Variants in EMG1 observed in about 807,000 individuals in gnomAD.
EMG1 encodes the protein EMG1 N1-specific pseudouridine methyltransferase, also known as ribosomal RNA small subunit methyltransferase NEP1.
EMG1 carries 24 observed loss-of-function variants against 26.9 expected under a neutral mutation model. The observed-to-expected ratio is 0.89, with a 90% CI of 0.65 to 1.26. The LOEUF is 1.26. Among genes scored for constraint, EMG1 ranks in the 50% most tolerant of loss-of-function variants. The pLI, the probability that EMG1 is intolerant of heterozygous loss-of-function variation, is 0.00. For missense variants in EMG1, 299 were observed against 307.6 expected, an observed-to-expected ratio of 0.97 and a Z score of 0.21; for synonymous variants, 140 against 112.6, an observed-to-expected ratio of 1.24 and a Z score of -1.54.
chr12:6,975,424 AG>A, intron 5 of EMG1, 46 bp downstream of exon 5: 1 of 1,536,710 alleles, frequency 6.5e-7, no homozygotes, highest in Non-Finnish European at 8.8e-7. Context: ...AGCTGAACTT[AG>A]TATAGAATTC....
Position 6,979,727 on chromosome 12 carries a change from GT to G in EMG1, c.*3921del. On this transcript the variant is annotated 3_prime_UTR_variant, in exon 6 of 6. Coordinates refer to ENST00000599672, the MANE Select transcript of EMG1 (RefSeq NM_006331.8). Reference sequence around the variant, plus strand: ...AGCTCTGCTGCCCAAAGTGTTTCCTGTTTCAGGGAAAGATTTCTATGGCTGG... The same window carrying G: ...AGCTCTGCTGCCCAAAGTGTTTCCTGTTCAGGGAAAGATTTCTATGGCTGG... The G allele has an allele frequency of 1.6e-6, 1 of 625,224 alleles. No homozygotes were observed. The highest frequency in any genetic ancestry group is 1.9e-5 in the South Asian group (1 of 52,220). The allele number at this position is 625,224 out of a possible 1,614,324, so 38.7% of individuals were successfully genotyped here. A position where few individuals can be genotyped will look rare whatever the true frequency, so the allele number is the denominator to read the frequency against.
chr12:6,977,714 T>C lies in EMG1; in HGVS notation c.*1905T>C. Reference sequence around the variant, plus strand: ...GAGAGACCCTGAGAGAGTTCTTTATTTCCAAGGAACTTGAGTCGTTTGAAG... The same window carrying C: ...GAGAGACCCTGAGAGAGTTCTTTATCTCCAAGGAACTTGAGTCGTTTGAAG... On this transcript the variant is annotated 3_prime_UTR_variant, in exon 6 of 6. Coordinates refer to ENST00000599672, the MANE Select transcript of EMG1 (RefSeq NM_006331.8). This position sits in a 1 kb window ranked among gnomAD's most constrained non-coding sequence, Gnocchi z 4.5. The C allele has an allele frequency of 3.1e-6, 5 of 1,614,174 alleles. No individual in the cohort carries two copies. Among genetic ancestry groups the C allele is most frequent in the Non-Finnish European group, 4.2e-6 (5 of 1,180,014 alleles).
intron 6 of EMG1, among the ~76,000 whole-genome samples, chr12:6,986,477 T>G (rs1397683950): frequency 6.6e-6 from 1 of 152,168 alleles, no homozygotes; most frequent in South Asian, 2.1e-4. Flanking sequence ...AGTAGTTAAG[T>G]TTTTGGAGAG....
At chr12:6,973,531 T>G (rs1946357574) in intron 1 of EMG1, among the ~76,000 whole-genome samples, 1 of 152,090 alleles carries the variant, frequency 6.6e-6, no homozygotes, top group Non-Finnish European at 1.5e-5. Flanking sequence ...TTTCTTTGAT[T>G]AAACTGCCTC....
At position 6,974,625 on chromosome 12, in the gene EMG1, A is replaced by G. The variant is rs1555152813; in HGVS notation, c.344A>G (p.Asn115Ser). ...LLQVYIHTQK[N>S]VLIEVNPQTR... ...CAGGTTTATATCCATACACAGAAGA[A>G]TGTTCTGATTGAAGTGAATCCCCAG... Residue 115 changes from asparagine to serine, a missense_variant, in exon 3 of 6, where the codon AAT (asparagine) becomes AGT (serine). Asn to Ser is a conservative substitution (Grantham distance 46). Coordinates refer to ENST00000599672, the MANE Select transcript of EMG1 (RefSeq NM_006331.8). The G allele has an allele frequency of 1.2e-6, 2 of 1,614,022 alleles. No individual in the cohort carries two copies. Among genetic ancestry groups the G allele is most frequent in the South Asian group, 1.1e-5 (1 of 91,080 alleles).
chr12:6,974,776 A>G, intron 3 of EMG1, 83 bp downstream of exon 3: 1 of 1,437,948 alleles, frequency 7.0e-7, no homozygotes, highest in South Asian at 1.2e-5. Context: ...CTAAATGTGG[A>G]TTTTTAAGCG....
At position 6,977,138 on chromosome 12, in the gene EMG1, GA is replaced by G; in HGVS notation, c.*1332del. On this transcript the variant is annotated 3_prime_UTR_variant, in exon 6 of 6. Coordinates refer to ENST00000599672, the MANE Select transcript of EMG1 (RefSeq NM_006331.8). This position sits in a 1 kb window ranked among gnomAD's most constrained non-coding sequence, Gnocchi z 4.5. ...AGTTTAGCTGTATTAACTTACCAGGGAAATGGATTATTCCATCTTCTTTAAC... is the reference window on the plus strand; with the variant it reads ...AGTTTAGCTGTATTAACTTACCAGGGAATGGATTATTCCATCTTCTTTAAC... The G allele has an allele frequency of 6.4e-7, 1 of 1,565,484 alleles. No individual in the cohort carries two copies. The highest frequency in any genetic ancestry group is 8.8e-7 in the Non-Finnish European group (1 of 1,136,242).
In EMG1 at chr12:6,976,801, C is replaced by T. The variant is rs1262920791; in HGVS notation, c.*992C>T. ...CACAGCTGGAAGCATCGATCTTCCA[C>T]CTCCCTGGCTTTTCCATTCTCTGCT... On this transcript the variant is annotated 3_prime_UTR_variant, in exon 6 of 6. Coordinates refer to ENST00000599672, the MANE Select transcript of EMG1 (RefSeq NM_006331.8). 5.2e-6 allele frequency: 1 copy of T among 190,570 alleles called. No individual in the cohort carries two copies. The highest frequency in any genetic ancestry group is 1.1e-5 in the Non-Finnish European group (1 of 91,268). The allele number at this position is 190,570 out of a possible 1,614,324, so 11.8% of individuals were successfully genotyped here.
In EMG1 at chr12:6,974,387, T is replaced by C. The variant is rs782689019; in HGVS notation, c.217T>C (p.Leu73=). The change falls in exon 2 of 6, where the codon TTG becomes CTG. Residue 73 remains leucine (L), a synonymous_variant. Transcript: ENST00000599672. ...CAACTGTGACAAGCACAAGTCTATATTGTTGAAGAATGGACGGGACCCTGG... is the reference window on the plus strand; with the variant it reads ...CAACTGTGACAAGCACAAGTCTATACTGTTGAAGAATGGACGGGACCCTGG... ...LLNCDKHKSI[L]LKNGRDPGEA... 26 of 1,613,710 alleles carry C rather than the reference T, an allele frequency of 1.6e-5. No homozygotes were observed. Among genetic ancestry groups the C allele is most frequent in the South Asian group, 3.3e-5 (3 of 91,072 alleles).
chr12:6,979,139 C>G lies in EMG1; in HGVS notation c.*3330C>G, dbSNP rs1946031548. 2.9e-6 allele frequency: 1 copy of G among 343,396 alleles called. No homozygotes were observed. Among genetic ancestry groups the G allele is most frequent in the South Asian group, 4.7e-5 (1 of 21,284 alleles). The allele number at this position is 343,396 out of a possible 1,614,324, so 21.3% of individuals were successfully genotyped here. A position where few individuals can be genotyped will look rare whatever the true frequency, so the allele number is the denominator to read the frequency against. On this transcript the variant is annotated 3_prime_UTR_variant, in exon 6 of 6. Transcript: ENST00000599672. The stretch of plus-strand genomic sequence containing the variant: ...ATTCCCTAGAAGTGCCCAAATGTAT[C>G]AGTCAAGAGAAGAAAATAGGATGGA...
chr12:6,989,855 C>T (rs1555155245), downstream of EMG1, among the ~76,000 whole-genome samples: 2 of 152,092 alleles, frequency 1.3e-5, no homozygotes, highest in African/African-American at 4.8e-5. Flanking sequence ...TCTGAAGAAA[C>T]AGAAATGGAC....
Position 6,979,670 on chromosome 12 carries a change from G to C in EMG1, c.*3861G>C, listed in dbSNP as rs1431223916. The C allele has an allele frequency of 5.8e-6, 5 of 857,264 alleles. No homozygotes were observed. Among genetic ancestry groups the C allele is most frequent in the Non-Finnish European group, 9.7e-6 (5 of 517,162 alleles). 53.1% of individuals were successfully genotyped at this position (857,264 alleles called of 1,614,324 possible). A position where few individuals can be genotyped will look rare whatever the true frequency, so the allele number is the denominator to read the frequency against. On this transcript the variant is annotated 3_prime_UTR_variant, in exon 6 of 6. Transcript: ENST00000599672. ...TTCAGTTATGGAGAGGAGTGTTTAG[G>C]GGTGTGGTTGTCTACCTGGAATGGG...
Position 6,977,856 on chromosome 12 carries a change from A to AG in EMG1, c.*2047_*2048insG, listed in dbSNP as rs1946425846. ...TGGATTGGAGTGCTGGTGGGTTCCC[A>AG]CGTGTAGCCCCCAGAGGGTACAGGA... is the stretch of plus-strand genomic sequence containing the variant. On this transcript the variant is annotated 3_prime_UTR_variant, in exon 6 of 6. Transcript: ENST00000599672. This position sits in a 1 kb window ranked among gnomAD's most constrained non-coding sequence, Gnocchi z 4.5. 3 of 1,290,186 alleles carry AG rather than the reference A, an allele frequency of 2.3e-6. No individual in the cohort carries two copies. The highest frequency in any genetic ancestry group is 3.3e-6 in the Non-Finnish European group (3 of 905,172). 79.9% of individuals were successfully genotyped at this position (1,290,186 alleles called of 1,614,324 possible). A position where few individuals can be genotyped will look rare whatever the true frequency, so the allele number is the denominator to read the frequency against.
At chr12:6,990,189 AAAAT>A (rs1288533127), downstream of EMG1, among the ~76,000 whole-genome samples, 34 of 148,052 alleles carry the variant, frequency 2.3e-4, 1 homozygote, top group Non-Finnish European at 1.9e-4. Context: ...CCCTGTCTCA[AAAAT>A]AAATAAATAA....
At chr12:6,981,100 T>A, downstream of EMG1, 4 of 1,613,954 alleles carry the variant, frequency 2.5e-6, no homozygotes, top group Non-Finnish European at 3.4e-6. Context: ...GAAGGCCCCA[T>A]AGAAGTAGGA....
chr12:6,989,110 G>T (rs1406109049), downstream of EMG1, among the ~76,000 whole-genome samples: 6 of 149,374 alleles, frequency 4.0e-5, no homozygotes, highest in Non-Finnish European at 8.9e-5. Context: ...CAACAAGAGC[G>T]AAACTCCATC....
Position 6,979,596 on chromosome 12 carries a change from G to A in EMG1, c.*3787G>A, listed in dbSNP as rs1555153802. Reference sequence around the variant, plus strand: ...GGAATGATGCTGGAAAGGAACGAGTGAAGTTCCTGGTCACAGAGAGCAGAG... The same window carrying A: ...GGAATGATGCTGGAAAGGAACGAGTAAAGTTCCTGGTCACAGAGAGCAGAG... On this transcript the variant is annotated 3_prime_UTR_variant, in exon 6 of 6. Coordinates refer to ENST00000599672, the MANE Select transcript of EMG1 (RefSeq NM_006331.8). 6.5e-7 allele frequency: 1 copy of A among 1,532,326 alleles called. No homozygotes were observed. Among genetic ancestry groups the A allele is most frequent in the Non-Finnish European group, 9.0e-7 (1 of 1,105,572 alleles). 94.9% of individuals were successfully genotyped at this position (1,532,326 alleles called of 1,614,324 possible).
At chr12:6,983,552 A>G, downstream of EMG1, 1 of 1,528,348 alleles carries the variant, frequency 6.5e-7, no homozygotes, top group Non-Finnish European at 9.1e-7. Flanking sequence ...AGATGGGGGA[A>G]AAGATAAGAA....
intron 1 of EMG1, among the ~76,000 whole-genome samples, 189 bp downstream of exon 1, chr12:6,971,280 T>C (rs1555152231): frequency 6.7e-6 from 1 of 149,982 alleles, no homozygotes; most frequent in Admixed American, 6.6e-5. Flanking sequence ...CTTTCTTTTT[T>C]TTTTTTTTTT....
Sources: allele counts gnomAD v4.1 joint callset (sites outside exome capture counted in the v4.1 genomes callset), GRCh38; gene constraint gnomAD v4.1.1; non-coding constraint Gnocchi (gnomAD v3.1); transcripts MANE v1.5; gene names NCBI Gene and HGNC (gene_info 2026-07-23, HGNC 2026-07-21).